The following ARHGAP24 variants were observed in gnomAD, a reference collection of about 807,000 sequenced individuals.
ARHGAP24 encodes Rho GTPase activating protein 24, also known as rho GTPase-activating protein 24.
Under a neutral mutation model 76.4 loss-of-function variants are expected in ARHGAP24, and 50 were observed. The observed-to-expected ratio is 0.65, with a 90% CI of 0.52 to 0.83. The LOEUF is 0.83. ARHGAP24 is among the 40% of genes least tolerant of loss of function. The pLI, the probability that ARHGAP24 is intolerant of heterozygous loss-of-function variation, is 0.00. For missense variants in ARHGAP24, 930 were observed against 914.2 expected, an observed-to-expected ratio of 1.02 and a Z score of -0.22; for synonymous variants, 345 against 323.3, an observed-to-expected ratio of 1.07 and a Z score of -0.72.
At chr4:85,884,397 C>G (rs996534645) in intron 3 of ARHGAP24, among the ~76,000 whole-genome samples, 1 of 152,130 alleles carries the variant, frequency 6.6e-6, no homozygotes, top group South Asian at 2.1e-4. Context: ...TTCTCATTGT[C>G]GAGCCCTTTG....
chr4:85,780,576 A>T (rs1162396975), intron 3 of ARHGAP24, among the ~76,000 whole-genome samples: 1 of 151,904 alleles, frequency 6.6e-6, no homozygotes, highest in African/African-American at 2.4e-5. Flanking sequence ...GACAGTTTGC[A>T]TATCTCTAAT....
intron 2 of ARHGAP24, among the ~76,000 whole-genome samples, chr4:85,625,293 A>G (rs2110007621): frequency 6.6e-6 from 1 of 152,286 alleles, no homozygotes; most frequent in Non-Finnish European, 1.5e-5. Flanking sequence ...GTTGGTTTCA[A>G]AGAACATCAT....
intron 3 of ARHGAP24, among the ~76,000 whole-genome samples, chr4:85,731,339 T>C (rs1725401139): frequency 6.6e-6 from 1 of 152,206 alleles, no homozygotes. Flanking sequence ...CCTTGCATTG[T>C]CTGTGTTCTC....
intron 3 of ARHGAP24, among the ~76,000 whole-genome samples, chr4:85,900,438 T>C (rs1210375195): frequency 6.6e-6 from 1 of 151,992 alleles, no homozygotes; most frequent in African/African-American, 2.4e-5. Flanking sequence ...TATACTTTTT[T>C]CAGATAGAAG....
At chr4:85,511,637 G>T (rs925088947) in intron 1 of ARHGAP24, among the ~76,000 whole-genome samples, 8 of 151,972 alleles carry the variant, frequency 5.3e-5, no homozygotes, top group Admixed American at 5.2e-4. Flanking sequence ...TAATTTTTTT[G>T]TATTTTTAGT....
chr4:85,870,572 T>C (rs544141733), intron 3 of ARHGAP24, among the ~76,000 whole-genome samples: 5 of 152,186 alleles, frequency 3.3e-5, no homozygotes, highest in Non-Finnish European at 7.4e-5. Context: ...CATTAGTTAG[T>C]GGAGGCCCTT....
rs569527562 is a variant in ARHGAP24, at chr4:85,610,530, T to G, written c.180+39809T>G. 1.6e-3 allele frequency among the ~76,000 whole-genome samples: 181 copies of G among 116,706 alleles called. 3 individuals are homozygous for G. Among genetic ancestry groups the G allele is most frequent in the South Asian group, 0.013 (49 of 3,742 alleles). 76.6% of individuals were successfully genotyped at this position (116,706 alleles called of 152,430 possible). A position where few individuals can be genotyped will look rare whatever the true frequency, so the allele number is the denominator to read the frequency against. Reference sequence around the variant, plus strand: ...ATGAATACATTTTAATAGATTTGACTCAGAATCACCAACAGAAATAGACAA... The same window carrying G: ...ATGAATACATTTTAATAGATTTGACGCAGAATCACCAACAGAAATAGACAA... On this transcript the variant is annotated intron_variant, in intron 2 of 9. Coordinates refer to ENST00000395184, the MANE Select transcript of ARHGAP24 (RefSeq NM_001025616.3).
chr4:85,758,887 G>A (rs1326473827), intron 3 of ARHGAP24, among the ~76,000 whole-genome samples: 1 of 152,172 alleles, frequency 6.6e-6, no homozygotes, highest in East Asian at 1.9e-4. Context: ...GAAAAGAGAG[G>A]CTTAGCATTC....
chr4:85,871,304 A>C (rs1177974416), intron 3 of ARHGAP24, among the ~76,000 whole-genome samples: 2 of 152,208 alleles, frequency 1.3e-5, no homozygotes, highest in Admixed American at 6.5e-5. Flanking sequence ...GAAGAATTTC[A>C]CAACAAATTA....
intron 2 of ARHGAP24, among the ~76,000 whole-genome samples, chr4:85,573,253 C>A (rs1239414859): frequency 6.6e-6 from 1 of 152,108 alleles, no homozygotes; most frequent in Non-Finnish European, 1.5e-5. Flanking sequence ...TAACATTGAG[C>A]TTTTTAATGT....
Position 85,874,822 on chromosome 4 carries a change from T to G in ARHGAP24, c.269-48826T>G, listed in dbSNP as rs1381305372. 4.5e-4 allele frequency among the ~76,000 whole-genome samples: 25 copies of G among 55,360 alleles called. 3 individuals carry two copies. The highest frequency in any genetic ancestry group is 2.3e-3 in the African/African-American group (24 of 10,250). 36.3% of individuals were successfully genotyped at this position (55,360 alleles called of 152,430 possible). A position where few individuals can be genotyped will look rare whatever the true frequency, so the allele number is the denominator to read the frequency against. On this transcript the variant is annotated intron_variant, in intron 3 of 9. Transcript: ENST00000395184. Reference sequence around the variant, plus strand: ...ATATATAAAATATATTTATATATAATTTATATATAAAATATATTTTTATAT... The same window carrying G: ...ATATATAAAATATATTTATATATAAGTTATATATAAAATATATTTTTATAT...
At chr4:85,704,028 A>C (rs1266847446) in intron 2 of ARHGAP24, among the ~76,000 whole-genome samples, 1 of 152,192 alleles carries the variant, frequency 6.6e-6, no homozygotes, top group African/African-American at 2.4e-5. Flanking sequence ...AATCTATAGC[A>C]TGTAACCTTT....
intron 3 of ARHGAP24, among the ~76,000 whole-genome samples, chr4:85,801,024 C>T (rs182853276): frequency 3.2e-4 from 48 of 152,198 alleles, no homozygotes; most frequent in African/African-American, 9.6e-4. Flanking sequence ...AAGCTTGGTA[C>T]GGCTCTAAGA....
At chr4:85,606,036 T>G (rs1720180719) in intron 2 of ARHGAP24, among the ~76,000 whole-genome samples, 2 of 152,168 alleles carry the variant, frequency 1.3e-5, no homozygotes, top group South Asian at 4.1e-4. Flanking sequence ...TGGAGTTATT[T>G]CAAAGACTTT....
At position 86,001,390 on chromosome 4, in the gene ARHGAP24, A is replaced by G; in HGVS notation, c.*668A>G. 1 of 398,990 alleles carries G rather than the reference A, an allele frequency of 2.5e-6. No homozygotes were observed. Among genetic ancestry groups the G allele is most frequent in the Non-Finnish European group, 4.4e-6 (1 of 226,120 alleles). 24.7% of individuals were successfully genotyped at this position (398,990 alleles called of 1,614,324 possible). A position where few individuals can be genotyped will look rare whatever the true frequency, so the allele number is the denominator to read the frequency against. ...TTTTGCGAGGCGATTTGACATAGGA[A>G]CTTTGAGACTCCATGAGAAAGTCCC... On this transcript the variant is annotated 3_prime_UTR_variant, in exon 10 of 10. Coordinates refer to ENST00000395184, the MANE Select transcript of ARHGAP24 (RefSeq NM_001025616.3).
At chr4:85,708,708 C>G (rs1298350835) in intron 2 of ARHGAP24, among the ~76,000 whole-genome samples, 1 of 152,154 alleles carries the variant, frequency 6.6e-6, no homozygotes, top group Admixed American at 6.5e-5. Flanking sequence ...GCATCCGCTT[C>G]CTGACAACCC....
intron 2 of ARHGAP24, among the ~76,000 whole-genome samples, chr4:85,667,649 G>A (rs761422418): frequency 7.9e-5 from 12 of 152,080 alleles, no homozygotes; most frequent in Non-Finnish European, 1.5e-4. Flanking sequence ...TGGCTGCCAC[G>A]CACTTTTTTG....
intron 2 of ARHGAP24, among the ~76,000 whole-genome samples, chr4:85,649,253 T>C (rs931981379): frequency 7.2e-5 from 11 of 152,152 alleles, no homozygotes; most frequent in African/African-American, 2.4e-4. Flanking sequence ...TTCTCTATTC[T>C]TGACTGTCTC....
chr4:85,757,989 G>C lies in ARHGAP24; in HGVS notation c.268+36017G>C, dbSNP rs562858016. On this transcript the variant is annotated intron_variant, in intron 3 of 9. Coordinates refer to ENST00000395184, the MANE Select transcript of ARHGAP24 (RefSeq NM_001025616.3). ...CCAGTGATGATGAGCATTTTTTCAC[G>C]TGTCTGTTGGCTAATGCAACCAATT... Among the ~76,000 whole-genome samples the C allele has an allele frequency of 1.2e-4, 19 of 152,076 alleles. No homozygotes were observed. The South Asian group carries it at 3.5e-3, about 28-fold the overall frequency.
Sources: gnomAD v4.1 joint callset for allele counts (sites outside exome capture counted in the v4.1 genomes callset) on GRCh38, gnomAD v4.1.1 for gene constraint, MANE v1.5 for transcripts, NCBI Gene and HGNC (gene_info 2026-07-23, HGNC 2026-07-21) for gene names.